Variants in SNX29 observed in about 807,000 individuals in gnomAD.
SNX29 encodes sorting nexin-29.
A neutral mutation model predicts 102.1 loss-of-function variants in SNX29; 78 were observed. That is an observed-to-expected ratio of 0.76 (90% CI 0.64 to 0.92). The LOEUF is 0.92. Among genes scored for constraint, SNX29 ranks in the 40% least tolerant of loss-of-function variants. The pLI is 0.00. For missense variants in SNX29, 1,280 were observed against 1,061.7 expected (o/e 1.21, Z -2.86); for synonymous variants, 580 against 414.5 (o/e 1.40, Z -4.85).
At chr16:12,428,210 A>G (rs944142243) in intron 18 of SNX29, among the ~76,000 whole-genome samples, 2 of 152,218 alleles carry the variant, frequency 1.3e-5, no homozygotes, top group Non-Finnish European at 2.9e-5. Flanking sequence ...TAATCAAAAC[A>G]GGGCTTTAAG....
At chr16:12,084,400 T>C (rs959414597) in intron 11 of SNX29, among the ~76,000 whole-genome samples, 2 of 152,190 alleles carry the variant, frequency 1.3e-5, no homozygotes, top group Non-Finnish European at 2.9e-5. Context: ...CACCTCGGCT[T>C]TCCAAAGTGA....
intron 18 of SNX29, among the ~76,000 whole-genome samples, chr16:12,424,542 T>C (rs2084983356): frequency 6.6e-6 from 1 of 152,210 alleles, no homozygotes; most frequent in South Asian, 2.1e-4. Context: ...AAATTATTAC[T>C]AATTACATCT....
chr16:12,441,830 C>G (rs1007998253), intron 18 of SNX29, among the ~76,000 whole-genome samples: 2 of 152,100 alleles, frequency 1.3e-5, no homozygotes, highest in African/African-American at 4.8e-5. Flanking sequence ...ACTCTGTCAC[C>G]CAGGCTGGCG....
rs2079192370 is a variant in SNX29 at position 12,571,761 on chromosome 16, T to G, written c.*3132T>G. ...ACCTAGCCCAACCATCCACTCCTGA[T>G]CTGAGACAGAACCTTCTCCGCCACT... On this transcript the variant is annotated 3_prime_UTR_variant, in exon 21 of 21. Coordinates refer to ENST00000566228, the MANE Select transcript of SNX29 (RefSeq NM_032167.5). The G allele has an allele frequency of 9.9e-7, 1 of 1,013,514 alleles. No homozygotes were observed. Among genetic ancestry groups the G allele is most frequent in the African/African-American group, 1.7e-5 (1 of 59,728 alleles). The allele number at this position is 1,013,514 out of a possible 1,614,324, so 62.8% of individuals were successfully genotyped here.
chr16:12,343,895 T>A (rs1328949827), intron 15 of SNX29, among the ~76,000 whole-genome samples: 1 of 152,250 alleles, frequency 6.6e-6, no homozygotes, highest in Non-Finnish European at 1.5e-5. Context: ...TGACCTCTTC[T>A]GTGGTTTAGC....
intron 20 of SNX29, among the ~76,000 whole-genome samples, chr16:12,535,331 G>C (rs180865244): frequency 6.6e-6 from 1 of 152,224 alleles, no homozygotes; most frequent in East Asian, 1.9e-4. Context: ...TAGAGATGAG[G>C]TTTCGTGTTG....
chr16:12,205,052 G>C (rs1371482997), intron 14 of SNX29, among the ~76,000 whole-genome samples: 1 of 152,218 alleles, frequency 6.6e-6, no homozygotes, highest in Non-Finnish European at 1.5e-5. Context: ...CAGTTTCCCC[G>C]GCCTTCCAAA....
chr16:12,349,115 CTG>C (rs1380790953), intron 15 of SNX29, among the ~76,000 whole-genome samples: 15 of 152,334 alleles, frequency 9.8e-5, no homozygotes, highest in East Asian at 7.7e-4. Flanking sequence ...GTAAAATAAA[CTG>C]TGTAGCTTTA....
Position 12,574,270 on chromosome 16 carries a change from A to T in SNX29, c.*5641A>T, listed in dbSNP as rs954626937. On this transcript the variant is annotated 3_prime_UTR_variant, in exon 21 of 21. Transcript: ENST00000566228. Reference sequence around the variant, plus strand: ...AATGACACAAATTGTGACATTTTATAAATTAGATACTTCAGTGGATGGTCT... The same window carrying T: ...AATGACACAAATTGTGACATTTTATTAATTAGATACTTCAGTGGATGGTCT... The T allele has an allele frequency of 2.9e-5, 5 of 174,396 alleles. No homozygotes were observed. The highest frequency in any genetic ancestry group is 2.3e-3 in the Middle Eastern group (1 of 436). 10.8% of individuals were successfully genotyped at this position (174,396 alleles called of 1,614,324 possible).
rs2050318530 is a variant in SNX29 at position 12,051,859 on chromosome 16, A to G, written c.761A>G (p.Lys254Arg). The G allele has an allele frequency of 1.9e-6, 3 of 1,608,184 alleles. No individual in the cohort carries two copies. The highest frequency in any genetic ancestry group is 1.1e-5 in the South Asian group (1 of 88,984). The change falls in exon 8 of 21, where the codon AAA becomes AGA. Residue 254 changes from lysine (K) to arginine (R), a missense_variant. Lys to Arg is a conservative substitution (Grantham distance 26). Coordinates refer to ENST00000566228, the MANE Select transcript of SNX29 (RefSeq NM_032167.5). ...SRNVSADAKC[K>R]KERKKKKKVT... ...TTTTTTTTGCCAGATGCCAAATGCAAAAAGGAGCGGAAGAAGAAAAAGAAA... is the reference window on the plus strand; with the variant it reads ...TTTTTTTTGCCAGATGCCAAATGCAGAAAGGAGCGGAAGAAGAAAAAGAAA...
intron 15 of SNX29, among the ~76,000 whole-genome samples, chr16:12,350,210 A>G (rs1490852724): frequency 6.6e-6 from 1 of 152,320 alleles, no homozygotes; most frequent in South Asian, 2.1e-4. Flanking sequence ...GCGACTCTGC[A>G]TCTGTGATTC....
chr16:12,214,274 G>A (rs771893955), intron 14 of SNX29, among the ~76,000 whole-genome samples: 7 of 152,214 alleles, frequency 4.6e-5, no homozygotes, highest in Non-Finnish European at 7.3e-5. Context: ...AACAATTGGA[G>A]TGCCTCAGCT....
intron 13 of SNX29, among the ~76,000 whole-genome samples, chr16:12,162,991 C>T (rs830699): frequency 2.0e-5 from 3 of 152,160 alleles, no homozygotes; most frequent in African/African-American, 7.2e-5. Flanking sequence ...AAGTGATTCT[C>T]TCACCTCAGC....
In SNX29 at chr16:12,322,768, G is replaced by A. The variant is rs184419350; in HGVS notation, c.1783-33395G>A. Among the ~76,000 whole-genome samples the A allele has an allele frequency of 3.0e-3, 448 of 151,188 alleles. 1 individual carries two copies. The highest frequency in any genetic ancestry group is 4.9e-3 in the Non-Finnish European group (329 of 67,654). ...TCACTGGAGTTACTGGGGGACCACC[G>A]TCAGGATGCAGTCAGTAGGGGGCCA... On this transcript the variant is annotated intron_variant, in intron 15 of 20. Coordinates refer to ENST00000566228, the MANE Select transcript of SNX29 (RefSeq NM_032167.5).
intron 16 of SNX29, among the ~76,000 whole-genome samples, chr16:12,386,081 A>G (rs1030387306): frequency 8.5e-5 from 13 of 152,208 alleles, no homozygotes; most frequent in African/African-American, 2.9e-4. Flanking sequence ...GACTGGCTGC[A>G]CACGGAGACT....
chr16:12,299,922 G>A (rs992754191), intron 15 of SNX29, among the ~76,000 whole-genome samples: 4 of 151,914 alleles, frequency 2.6e-5, no homozygotes, highest in Non-Finnish European at 5.9e-5. Flanking sequence ...GCAGGCTGGA[G>A]TGCAGTCGCG....
At chr16:12,092,423 C>A (rs1462466106) in intron 11 of SNX29, among the ~76,000 whole-genome samples, 1 of 152,178 alleles carries the variant, frequency 6.6e-6, no homozygotes, top group Non-Finnish European at 1.5e-5. Flanking sequence ...GTTATAATCA[C>A]CATTGTGTCT....
At chr16:12,163,591 T>C (rs961837744) in intron 13 of SNX29, among the ~76,000 whole-genome samples, 2 of 152,162 alleles carry the variant, frequency 1.3e-5, no homozygotes. Context: ...TGGAGAGTCA[T>C]GGAGGGGCTG....
intron 20 of SNX29, among the ~76,000 whole-genome samples, chr16:12,535,207 C>T (rs986631164): frequency 1.3e-5 from 2 of 152,214 alleles, no homozygotes; most frequent in African/African-American, 4.8e-5. Flanking sequence ...GGTGTGATTT[C>T]AGCTCACTGC....
Sources: gnomAD v4.1 joint callset for allele counts (sites outside exome capture counted in the v4.1 genomes callset) on GRCh38, gnomAD v4.1.1 for gene constraint, MANE v1.5 for transcripts, NCBI Gene and HGNC (gene_info 2026-07-23, HGNC 2026-07-21) for gene names.